The following YEATS2 variants were observed in gnomAD, a reference collection of about 807,000 sequenced individuals.
YEATS2 encodes YEATS domain containing 2, also known as YEATS domain-containing protein 2.
YEATS2 carries 77 observed loss-of-function variants against 163.2 expected under a neutral mutation model. The observed-to-expected ratio is 0.47, with a 90% CI of 0.39 to 0.57. The LOEUF is 0.57. YEATS2 is among the 20% of genes least tolerant of loss of function. YEATS2 has a pLI of 0.00. For synonymous variants in YEATS2, 631 were observed against 645.1 expected, an observed-to-expected ratio of 0.98 and a Z score of 0.33; for missense variants, 1,549 against 1,729.8, an observed-to-expected ratio of 0.90 and a Z score of 1.85.
At chr3:183,761,985 C>G (rs1721402990) in intron 14 of YEATS2, 112 bp from the exon 15 acceptor site, 1 of 1,395,416 alleles carries the variant, frequency 7.2e-7, no homozygotes, top group African/African-American at 1.4e-5. Context: ...CTTTACGTAT[C>G]AAGTTTCATC....
rs1295177923 is a variant in YEATS2, at chr3:183,810,682, C to G, written c.*99C>G. 2.3e-5 allele frequency: 26 copies of G among 1,132,576 alleles called. No homozygotes were observed. In the South Asian group the frequency reaches 3.2e-4, roughly 14 times the overall value. The allele number at this position is 1,132,576 out of a possible 1,614,324, so 70.2% of individuals were successfully genotyped here. On this transcript the variant is annotated 3_prime_UTR_variant, in exon 31 of 31. Transcript: ENST00000305135. ...GAAGGAGGTGGTTTCCAGTGTGACT[C>G]GGCATGTCATGGCTACCCAACCTTT...
chr3:183,747,157 ATT>A (rs1433213023), intron 8 of YEATS2, among the ~76,000 whole-genome samples: 1 of 152,056 alleles, frequency 6.6e-6, no homozygotes, highest in Non-Finnish European at 1.5e-5. Flanking sequence ...CTATGTTTTC[ATT>A]CTTTTTTTTA....
chr3:183,705,808 G>A (rs531505415), intron 1 of YEATS2, among the ~76,000 whole-genome samples: 1 of 152,232 alleles, frequency 6.6e-6, no homozygotes, highest in African/African-American at 2.4e-5. Context: ...GGGAGGCCGG[G>A]GCAGGCAGAT....
At chr3:183,701,788 A>G (rs1484131413) in intron 1 of YEATS2, among the ~76,000 whole-genome samples, 1 of 152,218 alleles carries the variant, frequency 6.6e-6, no homozygotes, top group Non-Finnish European at 1.5e-5. Flanking sequence ...AACAAAATAC[A>G]TAACAATCGC....
At chr3:183,704,706 T>C (rs954829318) in intron 1 of YEATS2, among the ~76,000 whole-genome samples, 5 of 151,932 alleles carry the variant, frequency 3.3e-5, no homozygotes, top group Non-Finnish European at 2.9e-5. Context: ...TTCGGCTCAC[T>C]GCAACCTCCA....
At chr3:183,808,933 T>C in intron 29 of YEATS2, 164 bp from the exon 30 acceptor site, 1 of 589,788 alleles carries the variant, frequency 1.7e-6, no homozygotes, top group Non-Finnish European at 3.0e-6. Flanking sequence ...TCATGGCCTT[T>C]ATCATTATGG....
At chr3:183,749,272 A>C (rs1187816319) in intron 9 of YEATS2, among the ~76,000 whole-genome samples, 3 of 152,202 alleles carry the variant, frequency 2.0e-5, no homozygotes, top group Non-Finnish European at 4.4e-5. Flanking sequence ...AATTGTGCTT[A>C]AAAAACACGT....
intron 8 of YEATS2, among the ~76,000 whole-genome samples, chr3:183,738,435 G>A (rs1227363424): frequency 7.9e-6 from 1 of 125,908 alleles, no homozygotes; most frequent in East Asian, 2.4e-4. Context: ...AAGTTTTAGA[G>A]TACATGTGCA....
At chr3:183,698,537 C>T in intron 1 of YEATS2, among the ~76,000 whole-genome samples, 1 of 152,210 alleles carries the variant, frequency 6.6e-6, no homozygotes, top group East Asian at 1.9e-4. Flanking sequence ...GCAGGAAAGG[C>T]TGGCTTGAAG....
In YEATS2 at chr3:183,789,525, A is replaced by ATTTTTTTTTTTTTTTTTT. The variant is rs143473253; in HGVS notation, c.2914-1261_2914-1244dup. Among the ~76,000 whole-genome samples the ATTTTTTTTTTTTTTTTTT allele has an allele frequency of 1.7e-4, 11 of 66,348 alleles. 1 individual carries two copies. Among genetic ancestry groups the ATTTTTTTTTTTTTTTTTT allele is most frequent in the African/African-American group, 7.5e-4 (11 of 14,616 alleles). The allele number at this position is 66,348 out of a possible 152,430, so 43.5% of individuals were successfully genotyped here. A position where few individuals can be genotyped will look rare whatever the true frequency, so the allele number is the denominator to read the frequency against. ...TTAGGTTTCAGATTCATTCGAGTTA[A>ATTTTTTTTTTTTTTTTTT]TTTTTTTTTTTTTTTTTTTTTTTTT... On this transcript the variant is annotated intron_variant, in intron 20 of 30. Transcript: ENST00000305135.
chr3:183,776,239 C>T (rs1034882342), intron 18 of YEATS2, 116 bp downstream of exon 18: 27 of 1,064,926 alleles, frequency 2.5e-5, no homozygotes, highest in African/African-American at 3.2e-5. Context: ...ACACCTTAAC[C>T]GTGTTATCTA....
intron 15 of YEATS2, 31 bp from the exon 16 acceptor site, chr3:183,772,274 G>A (rs750088759): frequency 1.1e-5 from 18 of 1,609,186 alleles, no homozygotes; most frequent in Middle Eastern, 2.0e-4. Flanking sequence ...AGCTCTCGAA[G>A]CACCGTTGGA....
chr3:183,768,456 A>T (rs949418839), intron 15 of YEATS2, among the ~76,000 whole-genome samples: 1 of 152,182 alleles, frequency 6.6e-6, no homozygotes, highest in African/African-American at 2.4e-5. Flanking sequence ...CTCTGTTACT[A>T]TGAGAGGAGA....
At chr3:183,745,725 C>A (rs1010504185) in intron 8 of YEATS2, among the ~76,000 whole-genome samples, 4 of 152,218 alleles carry the variant, frequency 2.6e-5, no homozygotes. Context: ...CATTTACTCT[C>A]TCCTTACCCA....
intron 14 of YEATS2, 57 bp downstream of exon 14, chr3:183,761,671 G>A: frequency 6.7e-7 from 1 of 1,496,708 alleles, no homozygotes; most frequent in Non-Finnish European, 9.3e-7. Flanking sequence ...TGGCATGTTG[G>A]AGTTCATTGC....
chr3:183,807,346 C>G, intron 28 of YEATS2: 1 of 453,454 alleles, frequency 2.2e-6, no homozygotes, highest in Non-Finnish European at 4.0e-6. Context: ...GCTTGTTGAA[C>G]GCAGACGTGA....
At chr3:183,727,974 C>T (rs954091564) in intron 6 of YEATS2, among the ~76,000 whole-genome samples, 7 of 151,708 alleles carry the variant, frequency 4.6e-5, no homozygotes, top group South Asian at 2.1e-4. Context: ...AATAGCACAC[C>T]GAATAAGGAG....
intron 11 of YEATS2, among the ~76,000 whole-genome samples, chr3:183,754,787 G>A (rs1326811228): frequency 1.3e-5 from 2 of 152,172 alleles, no homozygotes; most frequent in Non-Finnish European, 2.9e-5. Flanking sequence ...GCTTTATTCT[G>A]TCTGTAACCA....
At chr3:183,798,077 T>C (rs767254441) in intron 22 of YEATS2, 26 bp downstream of exon 22, 2 of 1,611,438 alleles carry the variant, frequency 1.2e-6, no homozygotes, top group South Asian at 2.2e-5. Flanking sequence ...ACGGGTCGTC[T>C]GTGCTGTGGC....
Sources: gnomAD v4.1 joint callset for allele counts (sites outside exome capture counted in the v4.1 genomes callset) on GRCh38, gnomAD v4.1.1 for gene constraint, MANE v1.5 for transcripts, NCBI Gene and HGNC (gene_info 2026-07-23, HGNC 2026-07-21) for gene names.